PTPRK: variants seen among roughly 807,000 people sequenced by gnomAD.
PTPRK encodes protein tyrosine phosphatase receptor type K.
A neutral mutation model predicts 178.0 loss-of-function variants in PTPRK; 75 were observed. The ratio of observed to expected loss-of-function variants is 0.42; its 90% CI spans 0.35 to 0.51. The LOEUF is 0.51. PTPRK is among the 20% of genes least tolerant of loss of function. The probability of loss-of-function intolerance (pLI) is 0.02; values close to 1 mark genes in which losing one functional copy is unlikely to be tolerated. For missense variants in PTPRK, 1,441 were observed against 1,797.8 expected, an observed-to-expected ratio of 0.80 and a Z score of 3.59; for synonymous variants, 637 against 620.6, an observed-to-expected ratio of 1.03 and a Z score of -0.39.
At chr6:128,182,582 G>A (rs897267127) in intron 7 of PTPRK, among the ~76,000 whole-genome samples, 1 of 152,082 alleles carries the variant, frequency 6.6e-6, no homozygotes, top group Non-Finnish European at 1.5e-5. Flanking sequence ...GCAGCTATGA[G>A]TGTAAGTTAA....
chr6:128,347,731 A>C (rs544450306), intron 2 of PTPRK, among the ~76,000 whole-genome samples: 1 of 152,238 alleles, frequency 6.6e-6, no homozygotes, highest in South Asian at 2.1e-4. Context: ...AAATACATTA[A>C]TATCCAACCC....
intron 13 of PTPRK, among the ~76,000 whole-genome samples, chr6:128,061,219 G>C (rs1357538938): frequency 1.3e-5 from 2 of 152,128 alleles, no homozygotes; most frequent in East Asian, 3.9e-4. Flanking sequence ...TAAAATAAAG[G>C]GGATGTGAAA....
intron 20 of PTPRK, 64 bp from the exon 21 acceptor site, chr6:127,990,949 T>C: frequency 2.1e-6 from 2 of 974,020 alleles, no homozygotes; most frequent in Non-Finnish European, 3.2e-6. Flanking sequence ...CAAGGTGATT[T>C]AATTCCAGCA....
rs1858655692 is a variant in PTPRK at position 128,519,490 on chromosome 6, T to A, written c.100+769A>T. Among the ~76,000 whole-genome samples, 1 of 152,164 alleles carries A rather than the reference T, an allele frequency of 6.6e-6. No individual in the cohort carries two copies. Among genetic ancestry groups the A allele is most frequent in the Admixed American group, 6.5e-5 (1 of 15,284 alleles). Reference sequence around the variant, plus strand: ...CGCGGGGCCAGAGCCCCAGGCCGGATCCGGGGAGCGCGGGGCCAGCCTGGC... The same window carrying A: ...CGCGGGGCCAGAGCCCCAGGCCGGAACCGGGGAGCGCGGGGCCAGCCTGGC... On this transcript the variant is annotated intron_variant, in intron 1 of 29. Transcript: ENST00000368226. The surrounding 1 kb of genome is among the most constrained non-coding windows in gnomAD (Gnocchi z 4.3).
intron 7 of PTPRK, among the ~76,000 whole-genome samples, chr6:128,101,554 A>G (rs10499137): frequency 0.035 from 5,252 of 152,140 alleles, 159 homozygotes; most frequent in Middle Eastern, 0.092. Context: ...CTATTAGGAA[A>G]TCTTGCTACC....
At chr6:128,029,673 A>C (rs1200847104) in intron 13 of PTPRK, among the ~76,000 whole-genome samples, 1 of 147,824 alleles carries the variant, frequency 6.8e-6, no homozygotes, top group Non-Finnish European at 1.5e-5. Context: ...AATAATAATA[A>C]TAATAATAAT....
chr6:128,080,791 A>C (rs2114993834), intron 10 of PTPRK, among the ~76,000 whole-genome samples: 1 of 152,186 alleles, frequency 6.6e-6, no homozygotes, highest in East Asian at 1.9e-4. Context: ...GATGAGAACC[A>C]CACTAACCAT....
chr6:128,334,438 T>C (rs1437617069), intron 2 of PTPRK, among the ~76,000 whole-genome samples: 1 of 152,166 alleles, frequency 6.6e-6, no homozygotes, highest in African/African-American at 2.4e-5. Context: ...AAAGTACTTT[T>C]AGTACAAGAA....
At chr6:128,221,469 A>G (rs1441477341) in intron 5 of PTPRK, among the ~76,000 whole-genome samples, 1 of 151,668 alleles carries the variant, frequency 6.6e-6, no homozygotes, top group Non-Finnish European at 1.5e-5. Context: ...GTTTGCAGTG[A>G]GCCGAGATCA....
intron 13 of PTPRK, among the ~76,000 whole-genome samples, chr6:128,020,304 C>T (rs981416371): frequency 7.9e-5 from 12 of 151,906 alleles, no homozygotes; most frequent in African/African-American, 7.3e-5. Flanking sequence ...ACAAACAGTG[C>T]GGAATTATAT....
Position 128,172,641 on chromosome 6 carries a change from TATA to T in PTPRK, c.1162+11788_1162+11790del, listed in dbSNP as rs149292943. ...TATATATATAGTGTGTGTGTATATATATAATGTGTATATATATACACACCCACT... is the reference window on the plus strand; with the variant it reads ...TATATATATAGTGTGTGTGTATATATATGTGTATATATATACACACCCACT... On this transcript the variant is annotated intron_variant, in intron 7 of 29. Transcript: ENST00000368226. Among the ~76,000 whole-genome samples the T allele has an allele frequency of 4.5e-3, 680 of 150,938 alleles. 5 individuals carry two copies. The highest frequency in any genetic ancestry group is 0.016 in the African/African-American group (646 of 40,634).
At chr6:128,515,871 T>A (rs897532470) in intron 1 of PTPRK, among the ~76,000 whole-genome samples, 2 of 152,246 alleles carry the variant, frequency 1.3e-5, no homozygotes, top group Admixed American at 6.5e-5. Context: ...TGATGTTCAC[T>A]GTCTTTAATA....
intron 13 of PTPRK, among the ~76,000 whole-genome samples, chr6:128,041,186 C>T (rs977168698): frequency 3.9e-5 from 6 of 151,938 alleles, no homozygotes; most frequent in Non-Finnish European, 7.4e-5. Context: ...ATTTTCTAAC[C>T]TAAAAGTTTT....
intron 3 of PTPRK, 183 bp downstream of exon 3, chr6:128,321,856 C>A (rs1004695736): frequency 2.5e-6 from 2 of 798,010 alleles, no homozygotes; most frequent in African/African-American, 1.7e-5. Context: ...GAAAGAGGGG[C>A]AATCTCTCAT....
rs553142326 is a variant in PTPRK, at chr6:128,041,899, T to A, written c.2194+22859A>T. On this transcript the variant is annotated intron_variant, in intron 13 of 29. Transcript: ENST00000368226. Reference sequence around the variant, plus strand: ...ATAGTTTTATAAAAGTGTGTATATATAATATACATTTGTGTGTGTGTCTGG... The same window carrying A: ...ATAGTTTTATAAAAGTGTGTATATAAAATATACATTTGTGTGTGTGTCTGG... 3.3e-5 allele frequency among the ~76,000 whole-genome samples: 5 copies of A among 152,080 alleles called. No individual in the cohort carries two copies. The South Asian group carries it at 1.0e-3, about 31-fold the overall frequency.
chr6:128,508,323 A>G (rs753556891), intron 1 of PTPRK, among the ~76,000 whole-genome samples: 4 of 152,140 alleles, frequency 2.6e-5, no homozygotes, highest in Non-Finnish European at 5.9e-5. Context: ...GTGCTCAAAG[A>G]TTCATGGAGT....
chr6:128,190,521 CAG>C (rs1803607682), intron 6 of PTPRK, among the ~76,000 whole-genome samples: 1 of 71,562 alleles, frequency 1.4e-5, no homozygotes, highest in Non-Finnish European at 2.3e-5. Context: ...TTTTTTTTGA[CAG>C]AGTCTCGCTC....
At chr6:128,487,152 G>A (rs761787828) in intron 1 of PTPRK, among the ~76,000 whole-genome samples, 1 of 142,036 alleles carries the variant, frequency 7.0e-6, no homozygotes, top group Admixed American at 7.6e-5. Context: ...TGCATGTTGT[G>A]AGCGCTGACA....
At chr6:128,246,998 A>G (rs1815576764) in intron 3 of PTPRK, among the ~76,000 whole-genome samples, 2 of 152,200 alleles carry the variant, frequency 1.3e-5, no homozygotes, top group African/African-American at 2.4e-5. Context: ...ATGAATCCAC[A>G]GGAAGTGTCT....
Sources: gnomAD v4.1 joint callset for allele counts (sites outside exome capture counted in the v4.1 genomes callset) on GRCh38, gnomAD v4.1.1 for gene constraint, Gnocchi (gnomAD v3.1) non-coding constraint, MANE v1.5 for transcripts, NCBI Gene and HGNC (gene_info 2026-07-23, HGNC 2026-07-21) for gene names.